TAFA1: variants seen among roughly 807,000 people sequenced by gnomAD.
TAFA1 encodes the protein chemokine-like protein TAFA-1.
In TAFA1, 4 loss-of-function variants were observed where a neutral mutation model predicts 18.5. That is an observed-to-expected ratio of 0.22 (90% CI 0.11 to 0.49). The LOEUF is 0.49. Ranked by LOEUF, TAFA1 falls within the 20% of genes least tolerant of loss-of-function variation. TAFA1 has a pLI of 0.98. For synonymous variants in TAFA1, 56 were observed against 55.2 expected (o/e 1.01, Z -0.06); for missense variants, 147 against 169.0 (o/e 0.87, Z 0.72).
chr3:68,368,102 A>G (rs2069606806), intron 2 of TAFA1, among the ~76,000 whole-genome samples: 2 of 152,204 alleles, frequency 1.3e-5, no homozygotes, highest in African/African-American at 4.8e-5. Context: ...TAATTCTGCC[A>G]GTTAATTGCC....
chr3:68,224,369 G>T (rs2066770384), intron 2 of TAFA1, among the ~76,000 whole-genome samples: 1 of 151,948 alleles, frequency 6.6e-6, no homozygotes, highest in Admixed American at 6.6e-5. Flanking sequence ...ACTCTGTAGG[G>T]CCCAGGCTCA....
chr3:68,347,105 C>T (rs990066463), intron 2 of TAFA1, among the ~76,000 whole-genome samples: 5 of 152,224 alleles, frequency 3.3e-5, no homozygotes, highest in Admixed American at 2.6e-4. Context: ...GAATCATGGC[C>T]GTTATTATAC....
chr3:68,543,022 T>C (rs1204266971), intron 4 of TAFA1, among the ~76,000 whole-genome samples: 1 of 152,134 alleles, frequency 6.6e-6, no homozygotes, highest in Non-Finnish European at 1.5e-5. Flanking sequence ...GGTTTTAGGA[T>C]AAAGATCTGG....
intron 2 of TAFA1, among the ~76,000 whole-genome samples, chr3:68,384,912 T>C (rs2070059094): frequency 6.6e-6 from 1 of 152,132 alleles, no homozygotes; most frequent in Non-Finnish European, 1.5e-5. Flanking sequence ...TTTACCATTA[T>C]GTAATGCCCT....
At chr3:68,217,423 A>C (rs1011398228) in intron 2 of TAFA1, among the ~76,000 whole-genome samples, 64 of 152,064 alleles carry the variant, frequency 4.2e-4, no homozygotes, top group Non-Finnish European at 7.2e-4. Context: ...AAAAACAAGA[A>C]AAAGTTTGAG....
At chr3:68,302,031 A>G (rs2068310768) in intron 2 of TAFA1, among the ~76,000 whole-genome samples, 1 of 152,032 alleles carries the variant, frequency 6.6e-6, no homozygotes, top group South Asian at 2.1e-4. Context: ...TTTTTATATC[A>G]TGTTATTTTA....
At chr3:68,265,227 A>T (rs545157693) in intron 2 of TAFA1, among the ~76,000 whole-genome samples, 138 of 152,154 alleles carry the variant, frequency 9.1e-4, no homozygotes, top group Non-Finnish European at 1.5e-3. Context: ...CTCCTGTTTA[A>T]TTTCCCTCAG....
intron 3 of TAFA1, among the ~76,000 whole-genome samples, chr3:68,514,566 T>C (rs999870377): frequency 6.6e-6 from 1 of 152,140 alleles, no homozygotes; most frequent in African/African-American, 2.4e-5. Context: ...GCCAAGGCAA[T>C]GACTGACTTC....
intron 3 of TAFA1, among the ~76,000 whole-genome samples, chr3:68,452,535 A>AG (rs1559675831): frequency 1.3e-5 from 2 of 151,366 alleles, no homozygotes; most frequent in Non-Finnish European, 2.9e-5. Context: ...AAAAAAAAAA[A>AG]AAAAAACTAG....
rs1054030975 is a variant in TAFA1 at position 68,079,488 on chromosome 3, G to A, written c.118+72744G>A. Among the ~76,000 whole-genome samples the A allele has an allele frequency of 5.9e-5, 9 of 151,956 alleles. No individual in the cohort carries two copies. The South Asian group carries it at 6.3e-4, about 11-fold the overall frequency. ...TCCCTCTACACACTGCTTTGAATGCGTCCCAGAGATTCTGGTATGTTGTGT... is the reference window on the plus strand; with the variant it reads ...TCCCTCTACACACTGCTTTGAATGCATCCCAGAGATTCTGGTATGTTGTGT... On this transcript the variant is annotated intron_variant, in intron 2 of 4. Transcript: ENST00000478136.
intron 2 of TAFA1, among the ~76,000 whole-genome samples, chr3:68,242,420 C>T (rs185093582): frequency 6.6e-6 from 1 of 152,214 alleles, no homozygotes; most frequent in East Asian, 1.9e-4. Context: ...ACATATGAAG[C>T]AACCATGCCA....
At chr3:68,067,292 T>G (rs1176234818) in intron 2 of TAFA1, among the ~76,000 whole-genome samples, 2 of 152,202 alleles carry the variant, frequency 1.3e-5, no homozygotes, top group Non-Finnish European at 2.9e-5. Context: ...TTCTTAATCT[T>G]CTCCAGGTTA....
At chr3:68,285,300 T>C (rs1185109886) in intron 2 of TAFA1, among the ~76,000 whole-genome samples, 1 of 152,152 alleles carries the variant, frequency 6.6e-6, no homozygotes. Flanking sequence ...ATAAAGGAAC[T>C]TTCTGGGAGG....
intron 2 of TAFA1, among the ~76,000 whole-genome samples, chr3:68,326,707 G>T (rs1408370858): frequency 1.3e-5 from 2 of 152,130 alleles, no homozygotes; most frequent in Non-Finnish European, 2.9e-5. Flanking sequence ...AATTTGAAAA[G>T]CCCTTATTAT....
intron 2 of TAFA1, among the ~76,000 whole-genome samples, chr3:68,031,133 G>T (rs1398199587): frequency 6.6e-6 from 1 of 152,068 alleles, no homozygotes; most frequent in South Asian, 2.1e-4. Flanking sequence ...TCAATTCTCA[G>T]CCAATTTTTA....
intron 2 of TAFA1, among the ~76,000 whole-genome samples, chr3:68,282,068 C>G (rs13070672): frequency 6.6e-6 from 1 of 152,128 alleles, no homozygotes; most frequent in Non-Finnish European, 1.5e-5. Flanking sequence ...AGAGGAAGTG[C>G]TGAGCAAAAG....
chr3:68,085,409 T>C (rs1296598782), intron 2 of TAFA1, among the ~76,000 whole-genome samples: 1 of 152,204 alleles, frequency 6.6e-6, no homozygotes, highest in Admixed American at 6.5e-5. Flanking sequence ...AGGAATAACT[T>C]GCAGGGTTAG....
intron 2 of TAFA1, among the ~76,000 whole-genome samples, chr3:68,072,237 T>A (rs1280821166): frequency 6.6e-6 from 1 of 152,132 alleles, no homozygotes; most frequent in African/African-American, 2.4e-5. Flanking sequence ...CAATGGCAGG[T>A]GGCCTCTGCG....
At chr3:68,020,306 T>C (rs893039768) in intron 2 of TAFA1, among the ~76,000 whole-genome samples, 12 of 151,994 alleles carry the variant, frequency 7.9e-5, no homozygotes, top group African/African-American at 2.9e-4. Flanking sequence ...AGGGGAAACT[T>C]GGTATACTAG....
Sources: allele counts gnomAD v4.1 joint callset (sites outside exome capture counted in the v4.1 genomes callset), GRCh38; gene constraint gnomAD v4.1.1; transcripts MANE v1.5; gene names NCBI Gene and HGNC (gene_info 2026-07-23, HGNC 2026-07-21).